Variants in TRAPPC12 observed in about 807,000 individuals in gnomAD.
The protein encoded by TRAPPC12 is trafficking protein particle complex subunit 12.
TRAPPC12 carries 61 observed loss-of-function variants against 69.2 expected under a neutral mutation model. The observed-to-expected ratio is 0.88, with a 90% CI of 0.72 to 1.09. The LOEUF (loss-of-function observed/expected upper bound fraction) is 1.09, where lower values mean the gene tolerates loss of function less well. Among genes scored for constraint, TRAPPC12 ranks in the 50% least tolerant of loss-of-function variants. The pLI, the probability that TRAPPC12 is intolerant of heterozygous loss-of-function variation, is 0.00. For synonymous variants in TRAPPC12, 469 were observed against 438.9 expected (o/e 1.07, Z -0.86); for missense variants, 1,101 against 1,016.4 (o/e 1.08, Z -1.13).
At chr2:3,445,274 A>G (rs1298823861) in intron 6 of TRAPPC12, among the ~76,000 whole-genome samples, 1 of 152,186 alleles carries the variant, frequency 6.6e-6, no homozygotes, top group African/African-American at 2.4e-5. Flanking sequence ...AATCCCAGCT[A>G]CTTGGGAGGC....
Position 3,388,123 on chromosome 2 carries a change from C to T in TRAPPC12, c.500C>T (p.Ala167Val), listed in dbSNP as rs1463265455. The change falls in exon 2 of 12, where the codon GCG becomes GTG. Residue 167 changes from alanine (A) to valine (V), a missense_variant. Transcript: ENST00000324266. ...VPVCTIFSQR[A>V]PPASGDGFEP... ...GTGTGCACCATCTTCAGCCAGCGCG[C>T]GCCCCCAGCCTCCGGGGACGGCTTC... is the stretch of plus-strand genomic sequence containing the variant. 2 of 1,584,542 alleles carry T rather than the reference C, an allele frequency of 1.3e-6. No homozygotes were observed. Among genetic ancestry groups the T allele is most frequent in the Non-Finnish European group, 1.7e-6 (2 of 1,168,742 alleles).
chr2:3,400,891 A>C (rs1212696946), intron 2 of TRAPPC12, among the ~76,000 whole-genome samples: 1 of 152,204 alleles, frequency 6.6e-6, no homozygotes. Context: ...TGCTCAGGGC[A>C]GGTCATTGGC....
Position 3,409,749 on chromosome 2 carries a change from T to TA in TRAPPC12, c.1164+7856_1164+7857insA, listed in dbSNP as rs1558358578. Among the ~76,000 whole-genome samples the TA allele has an allele frequency of 5.3e-4, 47 of 88,726 alleles. 1 individual carries two copies. Among genetic ancestry groups the TA allele is most frequent in the East Asian group, 3.3e-3 (11 of 3,304 alleles). 58.2% of individuals were successfully genotyped at this position (88,726 alleles called of 152,430 possible). On this transcript the variant is annotated intron_variant, in intron 3 of 11. Coordinates refer to ENST00000324266, the MANE Select transcript of TRAPPC12 (RefSeq NM_016030.6). ...TGGGCAACAAAGCAAGACTTTGTCT[T>TA]TAAAAAAAAAAAAAAAAAAAAAAAA...
chr2:3,432,232 G>A (rs1409029134), intron 5 of TRAPPC12, among the ~76,000 whole-genome samples: 2 of 152,202 alleles, frequency 1.3e-5, no homozygotes, highest in Non-Finnish European at 2.9e-5. Context: ...GACGTCACAG[G>A]AAATGGTACT....
intron 3 of TRAPPC12, among the ~76,000 whole-genome samples, chr2:3,405,348 T>C (rs1350291881): frequency 1.3e-5 from 2 of 152,120 alleles, no homozygotes; most frequent in African/African-American, 2.4e-5. Flanking sequence ...TACTGCCCCA[T>C]GTCCCTTACA....
chr2:3,410,478 A>G (rs1223355829), intron 3 of TRAPPC12, among the ~76,000 whole-genome samples: 2 of 152,198 alleles, frequency 1.3e-5, no homozygotes, highest in East Asian at 1.9e-4. Flanking sequence ...GGCTTTTTAT[A>G]TGATATGTTT....
At chr2:3,469,283 G>A (rs967494413) in intron 9 of TRAPPC12, among the ~76,000 whole-genome samples, 17 of 152,156 alleles carry the variant, frequency 1.1e-4, no homozygotes, top group African/African-American at 3.4e-4. Flanking sequence ...GTGCCACTAC[G>A]GAAGCAAAGA....
chr2:3,443,641 G>A (rs1291097889), intron 5 of TRAPPC12, 138 bp from the exon 6 acceptor site: 45 of 709,470 alleles, frequency 6.3e-5, no homozygotes, highest in Middle Eastern at 2.3e-4. Context: ...AGTTGACACC[G>A]TTAAATACTT....
Position 3,477,782 on chromosome 2 carries a change from GT to G in TRAPPC12, c.1868del (p.Leu623Ter). ...AGATGGACTACAGGGTAAAATCATG[GT>G]TTTGATGAACAGGTAAATATTTTAA... ...KLDGLQGKIMVLMNSAFLHLG... is the reference protein window; with the variant it reads ...KLDGLQGKIMXLMNSAFLHLG... On this transcript the variant is annotated frameshift_variant, in exon 10 of 12. Coordinates refer to ENST00000324266, the MANE Select transcript of TRAPPC12 (RefSeq NM_016030.6). LOFTEE classifies it high-confidence loss of function. 6.3e-7 allele frequency: 1 copy of G among 1,589,628 alleles called. No homozygotes were observed. The highest frequency in any genetic ancestry group is 1.4e-5 in the African/African-American group (1 of 73,772).
intron 5 of TRAPPC12, among the ~76,000 whole-genome samples, chr2:3,431,712 C>G (rs1191373213): frequency 6.6e-6 from 1 of 152,002 alleles, no homozygotes; most frequent in African/African-American, 2.4e-5. Context: ...CTAGAACATT[C>G]ATTCATTTTA....
chr2:3,423,676 C>G (rs530850263), intron 4 of TRAPPC12, among the ~76,000 whole-genome samples: 3 of 152,298 alleles, frequency 2.0e-5, no homozygotes, highest in African/African-American at 7.2e-5. Context: ...GGGATTTCCT[C>G]CATGAAAGCT....
At chr2:3,454,490 T>A (rs1415998124) in intron 6 of TRAPPC12, 4 of 150,670 alleles carry the variant, frequency 2.7e-5, no homozygotes, top group Non-Finnish European at 5.9e-5. Flanking sequence ...TCTGGAGGGG[T>A]GTAGCCTGCC....
chr2:3,387,226 G>A (rs1248403897), intron 1 of TRAPPC12, among the ~76,000 whole-genome samples: 2 of 152,206 alleles, frequency 1.3e-5, no homozygotes, highest in East Asian at 3.9e-4. Flanking sequence ...TGACCAAGCT[G>A]TAGCATAAAT....
intron 9 of TRAPPC12, among the ~76,000 whole-genome samples, chr2:3,474,415 C>T (rs1483001703): frequency 1.3e-5 from 2 of 152,204 alleles, no homozygotes; most frequent in African/African-American, 4.8e-5. Context: ...CCCCAGCCCA[C>T]TGACTCAAGT....
intron 4 of TRAPPC12, among the ~76,000 whole-genome samples, 180 bp from the exon 5 acceptor site, chr2:3,424,345 G>A (rs1011889588): frequency 3.3e-5 from 5 of 152,194 alleles, no homozygotes; most frequent in African/African-American, 1.2e-4. Flanking sequence ...GAGGCATCAT[G>A]CCCAGCTTCA....
intron 5 of TRAPPC12, among the ~76,000 whole-genome samples, chr2:3,433,247 G>A (rs2103076900): frequency 6.6e-6 from 1 of 152,344 alleles, no homozygotes; most frequent in East Asian, 1.9e-4. Flanking sequence ...GGCAGAGACA[G>A]TGGGAAATAA....
intron 9 of TRAPPC12, among the ~76,000 whole-genome samples, chr2:3,476,537 T>C (rs1572214954): frequency 6.6e-6 from 1 of 152,214 alleles, no homozygotes; most frequent in South Asian, 2.1e-4. Flanking sequence ...GGATGCAGTT[T>C]AGCTTACAAG....
At chr2:3,395,699 A>G (rs545856634) in intron 2 of TRAPPC12, among the ~76,000 whole-genome samples, 1 of 150,702 alleles carries the variant, frequency 6.6e-6, no homozygotes, top group East Asian at 2.0e-4. Flanking sequence ...AGTAGCTGGG[A>G]CTACAGGCAC....
intron 5 of TRAPPC12, among the ~76,000 whole-genome samples, chr2:3,426,393 G>A (rs900278390): frequency 5.3e-5 from 8 of 152,216 alleles, no homozygotes; most frequent in African/African-American, 7.2e-5. Flanking sequence ...GGACGTAGAC[G>A]CCAGTCCTTA....
Sources: allele counts gnomAD v4.1 joint callset (sites outside exome capture counted in the v4.1 genomes callset), GRCh38; gene constraint gnomAD v4.1.1; transcripts MANE v1.5; gene names NCBI Gene and HGNC (gene_info 2026-07-23, HGNC 2026-07-21).